Variants in ARSB observed in about 807,000 individuals in gnomAD.
ARSB encodes the protein N-acetylgalactosamine-4-sulfatase.
A neutral mutation model predicts 50.9 loss-of-function variants in ARSB; 41 were observed. The observed-to-expected ratio is 0.81, with a 90% confidence interval of 0.63 to 1.04. The LOEUF (loss-of-function observed/expected upper bound fraction) is 1.04, where lower values mean the gene tolerates loss of function less well. Among genes scored for constraint, ARSB ranks in the 50% least tolerant of loss-of-function variants. The probability of loss-of-function intolerance (pLI) is 0.00; values close to 1 mark genes in which losing one functional copy is unlikely to be tolerated. For synonymous variants in ARSB, 269 were observed against 284.8 expected (o/e 0.94, Z 0.56); for missense variants, 672 against 693.3 (o/e 0.97, Z 0.35).
At chr5:78,861,422 G>T (rs1746431013) in intron 5 of ARSB, among the ~76,000 whole-genome samples, 1 of 152,152 alleles carries the variant, frequency 6.6e-6, no homozygotes, top group Non-Finnish European at 1.5e-5. Context: ...CCAAGATCAA[G>T]TTGGCTTCAT....
chr5:78,975,448 A>C lies in ARSB; in HGVS notation c.313-6256T>G, dbSNP rs944936443. ...GAAAAGCCGTGAAAATGTCTTGTCC[A>C]TTTATCAGTGTGATTAAGAAAAATG... On this transcript the variant is annotated intron_variant, in intron 1 of 7. Transcript: ENST00000264914. Among the ~76,000 whole-genome samples, 3 of 152,326 alleles carry C rather than the reference A, an allele frequency of 2.0e-5. No homozygotes were observed. In the East Asian group the frequency reaches 5.8e-4, roughly 29 times the overall value.
intron 5 of ARSB, among the ~76,000 whole-genome samples, chr5:78,858,554 T>C (rs74681910): frequency 0.16 from 23,931 of 152,182 alleles, 1,950 homozygotes; most frequent in Middle Eastern, 0.2. Context: ...CAACAAAACA[T>C]TTCCCATAAA....
intron 4 of ARSB, among the ~76,000 whole-genome samples, chr5:78,893,285 C>T (rs1290661486): frequency 2.6e-5 from 4 of 152,082 alleles, no homozygotes; most frequent in African/African-American, 9.7e-5. Context: ...ATTACCCAGT[C>T]TTGGGTATGT....
At chr5:78,954,717 C>A (rs1751642618) in intron 4 of ARSB, among the ~76,000 whole-genome samples, 1 of 152,166 alleles carries the variant, frequency 6.6e-6, no homozygotes, top group African/African-American at 2.4e-5. Context: ...ATTGGTCAGG[C>A]TGGTCTCGAA....
At chr5:78,866,549 G>C (rs924476658) in intron 5 of ARSB, among the ~76,000 whole-genome samples, 1 of 152,226 alleles carries the variant, frequency 6.6e-6, no homozygotes, top group Non-Finnish European at 1.5e-5. Flanking sequence ...AATGTTGATA[G>C]AGGTCTCATA....
intron 3 of ARSB, among the ~76,000 whole-genome samples, chr5:78,960,257 T>G (rs1260291746): frequency 6.6e-6 from 1 of 152,218 alleles, no homozygotes; most frequent in African/African-American, 2.4e-5. Context: ...TGCTACATGG[T>G]TCCTAAGATA....
chr5:78,874,422 AT>A (rs1199233970), intron 5 of ARSB, among the ~76,000 whole-genome samples: 1 of 152,200 alleles, frequency 6.6e-6, no homozygotes, highest in Non-Finnish European at 1.5e-5. Context: ...AAGTTGCTTG[AT>A]TTCCTTATGG....
intron 5 of ARSB, among the ~76,000 whole-genome samples, chr5:78,882,476 G>C (rs1747798525): frequency 6.6e-6 from 1 of 152,070 alleles, no homozygotes; most frequent in South Asian, 2.1e-4. Context: ...TATATCTAAG[G>C]GAAAAAGTCC....
In ARSB at chr5:78,852,658, A is replaced by G. The variant is rs1419975970; in HGVS notation, c.1143-13232T>C. On this transcript the variant is annotated intron_variant, in intron 5 of 7. Coordinates refer to ENST00000264914, the MANE Select transcript of ARSB (RefSeq NM_000046.5). ...ATAATATCCTGCAGAGTGTTTTCCA[A>G]CTTGCTTCCATTCTCCCCGTCACTT... 4.6e-5 allele frequency among the ~76,000 whole-genome samples: 7 copies of G among 152,132 alleles called. No homozygotes were observed. In the East Asian group the frequency reaches 1.3e-3, roughly 29 times the overall value.
At chr5:78,886,827 T>TG (rs933220439) in intron 4 of ARSB, among the ~76,000 whole-genome samples, 1 of 152,090 alleles carries the variant, frequency 6.6e-6, no homozygotes, top group Non-Finnish European at 1.5e-5. Flanking sequence ...ACAGACCACC[T>TG]GCTGTATAGA....
At chr5:78,853,211 T>C (rs913693555) in intron 5 of ARSB, among the ~76,000 whole-genome samples, 1 of 152,354 alleles carries the variant, frequency 6.6e-6, no homozygotes, top group East Asian at 1.9e-4. Flanking sequence ...TCTTTGATGA[T>C]GGTGATGTAC....
intron 5 of ARSB, among the ~76,000 whole-genome samples, chr5:78,855,590 A>C (rs1020186): frequency 6.6e-6 from 1 of 152,050 alleles, no homozygotes; most frequent in Non-Finnish European, 1.5e-5. Context: ...CATAGTTCCA[A>C]CTCCAAGATG....
At chr5:78,781,433 C>T (rs1748924268) in intron 7 of ARSB, among the ~76,000 whole-genome samples, 1 of 138,766 alleles carries the variant, frequency 7.2e-6, no homozygotes, top group African/African-American at 2.7e-5. Flanking sequence ...GCATTTGTTA[C>T]TTCGGTAAGC....
chr5:78,875,293 C>T (rs367561192), intron 5 of ARSB, among the ~76,000 whole-genome samples: 4 of 152,212 alleles, frequency 2.6e-5, no homozygotes, highest in African/African-American at 9.6e-5. Context: ...CCATTTGCAC[C>T]ATTCCCCATA....
chr5:78,791,896 T>C (rs1749246103), intron 6 of ARSB, among the ~76,000 whole-genome samples: 1 of 152,156 alleles, frequency 6.6e-6, no homozygotes, highest in Admixed American at 6.5e-5. Context: ...TGTGCACAGC[T>C]GTTTTGGATG....
chr5:78,855,103 T>C (rs1262147774), intron 5 of ARSB, among the ~76,000 whole-genome samples: 1 of 152,212 alleles, frequency 6.6e-6, no homozygotes, highest in African/African-American at 2.4e-5. Flanking sequence ...CTGTTTGGCC[T>C]GCAGGATGGG....
At chr5:78,937,570 A>G (rs1358153065) in intron 4 of ARSB, among the ~76,000 whole-genome samples, 2 of 151,292 alleles carry the variant, frequency 1.3e-5, no homozygotes, top group East Asian at 3.9e-4. Flanking sequence ...AAAGTTCATA[A>G]TATCAACAAT....
At chr5:78,815,521 T>C in intron 6 of ARSB, 1 of 985,494 alleles carries the variant, frequency 1.0e-6, no homozygotes, top group Non-Finnish European at 1.2e-6. Context: ...TGTGAAACTG[T>C]ATGTGGCAGC....
At chr5:78,800,746 G>A (rs1167610750) in intron 6 of ARSB, among the ~76,000 whole-genome samples, 1 of 152,182 alleles carries the variant, frequency 6.6e-6, no homozygotes, top group Non-Finnish European at 1.5e-5. Flanking sequence ...CAAAGGAGTG[G>A]TAAGACACAA....
Sources: gnomAD v4.1 joint callset for allele counts (sites outside exome capture counted in the v4.1 genomes callset) on GRCh38, gnomAD v4.1.1 for gene constraint, MANE v1.5 for transcripts, NCBI Gene and HGNC (gene_info 2026-07-23, HGNC 2026-07-21) for gene names.